The following SCML2 variants were observed in gnomAD, a reference collection of about 807,000 sequenced individuals.
SCML2 encodes sex comb on midleg-like protein 2.
Under a neutral mutation model 48.4 loss-of-function variants are expected in SCML2, and 6 were observed. That is an observed-to-expected ratio of 0.12 (90% CI 0.07 to 0.24). SCML2 has a LOEUF of 0.24. Among genes scored for constraint, SCML2 ranks in the 10% least tolerant of loss-of-function variants. The pLI is 1.00. For synonymous variants in SCML2, 181 were observed against 189.5 expected (o/e 0.95, Z 0.37); for missense variants, 377 against 528.2 (o/e 0.71, Z 2.81).
intron 7 of SCML2, among the ~76,000 whole-genome samples, chrX:18,278,660 A>G (rs1927726355): frequency 8.9e-6 from 1 of 112,295 alleles, no homozygotes; most frequent in South Asian, 3.7e-4. Context: ...CCCAGGCCCA[A>G]TGCCTAGCTA....
At chrX:18,262,190 CTT>C (rs1927089580) in intron 8 of SCML2, among the ~76,000 whole-genome samples, 2 of 107,549 alleles carry the variant, frequency 1.9e-5, no homozygotes. Flanking sequence ...GATTCTATGT[CTT>C]TATATTTAGA....
chrX:18,308,117 G>T (rs1187874052), intron 6 of SCML2, among the ~76,000 whole-genome samples: 1 of 105,914 alleles, frequency 9.4e-6, no homozygotes, highest in East Asian at 3.0e-4. Context: ...AAATTAGCTG[G>T]GTGTGGTGGT....
chrX:18,331,153 G>A lies in SCML2; in HGVS notation c.23-498C>T, dbSNP rs372964211. ...CGGGCACCTGTAATCCCAGCTACTC[G>A]GGCAGCTGAGACAAGAGAATCACTT... On this transcript the variant is annotated intron_variant, in intron 2 of 14. Coordinates refer to ENST00000251900, the MANE Select transcript of SCML2 (RefSeq NM_006089.3). Among the ~76,000 whole-genome samples the A allele has an allele frequency of 5.6e-5, 6 of 106,227 alleles. No individual in the cohort carries two copies. In the East Asian group the frequency reaches 8.9e-4, roughly 16 times the overall value. 92.2% of individuals were successfully genotyped at this position (106,227 alleles called of 115,157 possible).
At chrX:18,249,597 A>T (rs919870961) in intron 11 of SCML2, among the ~76,000 whole-genome samples, 7 of 111,706 alleles carry the variant, frequency 6.3e-5, no homozygotes, top group Non-Finnish European at 1.3e-4. Context: ...ATTACCAGTC[A>T]GGGCTAACAA....
intron 6 of SCML2, among the ~76,000 whole-genome samples, chrX:18,319,593 C>T (rs1214526876): frequency 1.2e-5 from 1 of 81,316 alleles, no homozygotes; most frequent in African/African-American, 6.1e-5. Context: ...GAGACTCTGT[C>T]TCAAAAAAAA....
rs189952897 is a variant in SCML2, at chrX:18,282,437, A to C, written c.731-16635T>G. Among the ~76,000 whole-genome samples the C allele has an allele frequency of 2.8e-3, 310 of 111,085 alleles. 1 individual carries two copies. The highest frequency in any genetic ancestry group is 3.4e-3 in the Non-Finnish European group (181 of 53,019). The stretch of plus-strand genomic sequence containing the variant: ...TAGATTGCTTGAATCCAGGAGTTCG[A>C]GACCAGCCTGGGCAACATAGTAAAA... On this transcript the variant is annotated intron_variant, in intron 7 of 14. Coordinates refer to ENST00000251900, the MANE Select transcript of SCML2 (RefSeq NM_006089.3).
intron 1 of SCML2, among the ~76,000 whole-genome samples, chrX:18,347,723 CAAAAAAAAAAAAAAAAAA>C (rs749758995): frequency 9.1e-5 from 2 of 21,922 alleles, no homozygotes; most frequent in Admixed American, 9.9e-4. Context: ...GACTCCGTCT[CAAAAAAAAAAAAAAAAAA>C]AAAAAAAAAA....
At chrX:18,308,475 A>G (rs1192827821) in intron 6 of SCML2, among the ~76,000 whole-genome samples, 1 of 110,776 alleles carries the variant, frequency 9.0e-6, no homozygotes. Context: ...AAACAACTCA[A>G]TAGCAAAAAA....
At chrX:18,324,164 C>T in intron 4 of SCML2, 71 bp from the exon 5 acceptor site, 1 of 635,490 alleles carries the variant, frequency 1.6e-6, no homozygotes, top group Non-Finnish European at 2.5e-6. Flanking sequence ...GCTATGTCAC[C>T]AGAATACCTG....
intron 3 of SCML2, among the ~76,000 whole-genome samples, chrX:18,329,751 G>A (rs1929594630): frequency 8.9e-6 from 1 of 112,376 alleles, no homozygotes; most frequent in Non-Finnish European, 1.9e-5. Context: ...GTAGTGCCAT[G>A]AGATAAGTAC....
chrX:18,354,237 A>G (rs1056136233), intron 1 of SCML2, among the ~76,000 whole-genome samples: 2 of 112,851 alleles, frequency 1.8e-5, no homozygotes, highest in African/African-American at 6.4e-5. Flanking sequence ...CCCAGGCCCC[A>G]GCCCGGCCCT....
chrX:18,250,687 C>T (rs1386224341), intron 11 of SCML2, among the ~76,000 whole-genome samples: 4 of 110,153 alleles, frequency 3.6e-5, no homozygotes, highest in Non-Finnish European at 7.6e-5. Flanking sequence ...CCGACCTAGA[C>T]AAATACTTTA....
intron 13 of SCML2, among the ~76,000 whole-genome samples, chrX:18,244,894 C>A (rs1569135263): frequency 9.0e-6 from 1 of 111,371 alleles, no homozygotes; most frequent in Non-Finnish European, 1.9e-5. Context: ...GTTCAAATGC[C>A]TTAAAAATAA....
intron 1 of SCML2, among the ~76,000 whole-genome samples, chrX:18,346,685 G>A (rs1013560453): frequency 8.9e-6 from 1 of 112,163 alleles, no homozygotes; most frequent in Non-Finnish European, 1.9e-5. Flanking sequence ...CAAAAACGCT[G>A]TCCTTTATTG....
intron 11 of SCML2, among the ~76,000 whole-genome samples, chrX:18,250,974 C>T (rs777905671): frequency 9.1e-6 from 1 of 109,987 alleles, no homozygotes; most frequent in Admixed American, 9.7e-5. Flanking sequence ...CTTATAAAAC[C>T]ATCAGATCTC....
chrX:18,251,933 C>T (rs891911459), intron 11 of SCML2, among the ~76,000 whole-genome samples: 1 of 112,167 alleles, frequency 8.9e-6, no homozygotes, highest in African/African-American at 3.2e-5. Context: ...TATTATTCAG[C>T]CATAAAAAGG....
intron 1 of SCML2, among the ~76,000 whole-genome samples, chrX:18,346,232 G>C (rs779407290): frequency 1.3e-4 from 14 of 110,471 alleles, no homozygotes; most frequent in Non-Finnish European, 2.5e-4. Flanking sequence ...CCCAGAAGTT[G>C]ATTGGCCTTT....
At chrX:18,263,134 T>A (rs1260895342) in intron 8 of SCML2, among the ~76,000 whole-genome samples, 1 of 102,882 alleles carries the variant, frequency 9.7e-6, no homozygotes, top group African/African-American at 3.6e-5. Context: ...TTAGCTATAA[T>A]TCTTTGCATT....
At chrX:18,310,563 G>A (rs1984663829) in intron 6 of SCML2, among the ~76,000 whole-genome samples, 1 of 109,561 alleles carries the variant, frequency 9.1e-6, no homozygotes. Flanking sequence ...ACTGCGCCCA[G>A]CCTTTATATT....
Sources: allele counts gnomAD v4.1 joint callset (sites outside exome capture counted in the v4.1 genomes callset), GRCh38; gene constraint gnomAD v4.1.1; transcripts MANE v1.5; gene names NCBI Gene and HGNC (gene_info 2026-07-23, HGNC 2026-07-21).